MASP2: variants seen among roughly 807,000 people sequenced by gnomAD.
MASP2 encodes mannan-binding lectin serine protease 2.
MASP2 carries 49 observed loss-of-function variants against 57.1 expected under a neutral mutation model. That is an observed-to-expected ratio of 0.86 (90% CI 0.68 to 1.09). The LOEUF is 1.09. MASP2 is among the 50% of genes least tolerant of loss of function. The probability of loss-of-function intolerance (pLI) is 0.00; values close to 1 mark genes in which losing one functional copy is unlikely to be tolerated. For missense variants in MASP2, 900 were observed against 874.8 expected, an observed-to-expected ratio of 1.03 and a Z score of -0.36; for synonymous variants, 379 against 340.8, an observed-to-expected ratio of 1.11 and a Z score of -1.24.
At position 11,046,479 on chromosome 1, in the gene MASP2, G is replaced by A. The variant is rs776197776; in HGVS notation, c.412+77C>T. The stretch of plus-strand genomic sequence containing the variant: ...GAAAGGTGGGGAAACTGAAGGCAGG[G>A]CTGCCTGGCCTAAGACAGAGTTACC... On this transcript the variant is annotated intron_variant, in intron 3 of 10. Transcript: ENST00000400897. 409 of 1,534,316 alleles carry A rather than the reference G, an allele frequency of 2.7e-4. 2 individuals carry two copies. Among genetic ancestry groups the A allele is most frequent in the Middle Eastern group, 1.7e-4 (1 of 5,952 alleles).
At chr1:11,045,257 G>A (rs756874892) in intron 4 of MASP2, 151 bp downstream of exon 4, 36 of 1,147,036 alleles carry the variant, frequency 3.1e-5, no homozygotes, top group East Asian at 1.7e-4. Context: ...GGGAAGCAGG[G>A]CTGAGAAGGG....
chr1:11,039,625 G>A (rs1312098470), intron 6 of MASP2, among the ~76,000 whole-genome samples: 2 of 150,806 alleles, frequency 1.3e-5, no homozygotes, highest in East Asian at 2.0e-4. Flanking sequence ...ATGGATATAT[G>A]GGTGGATATA....
chr1:11,042,909 G>T lies in MASP2; in HGVS notation c.855C>A (p.Asp285Glu). ...TGTAGTGGATCTTCCAGCCTGTGTG[G>T]TCTCCTGATTCATCTGTGACAAAGG... ...TITFVTDESG[D>E]HTGWKIHYTS... Residue 285 changes from aspartate to glutamate, a missense_variant, in exon 6 of 11, where the codon GAC becomes GAA. Transcript: ENST00000400897. The T allele has an allele frequency of 6.2e-7, 1 of 1,613,968 alleles. No homozygotes were observed. The highest frequency in any genetic ancestry group is 1.7e-4 in the Middle Eastern group (1 of 6,060).
At chr1:11,029,430 A>G (rs1260520607) in intron 10 of MASP2, among the ~76,000 whole-genome samples, 1 of 151,336 alleles carries the variant, frequency 6.6e-6, no homozygotes, top group East Asian at 2.0e-4. Flanking sequence ...CTACTCAACT[A>G]TTATCTTTGG....
chr1:11,044,785 A>C, intron 4 of MASP2: 9 of 1,390,034 alleles, frequency 6.5e-6, no homozygotes, highest in African/African-American at 2.9e-5. Context: ...CCCCAGAGAC[A>C]CGTGGCAGCA....
At chr1:11,034,957 A>T in intron 7 of MASP2, 51 bp from the exon 8 acceptor site, 1 of 1,325,086 alleles carries the variant, frequency 7.5e-7, no homozygotes, top group Non-Finnish European at 1.1e-6. Context: ...TCATAAAATC[A>T]CTCCCCAAAG....
chr1:11,047,070 C>T lies in MASP2; in HGVS notation c.55G>A (p.Gly19Ser), dbSNP rs1239588606. 3 of 1,549,032 alleles carry T rather than the reference C, an allele frequency of 1.9e-6. No individual in the cohort carries two copies. The highest frequency in any genetic ancestry group is 1.7e-4 in the Middle Eastern group (1 of 5,884). ...AACACAGGTTCAGGCCACTTCGGGCCCAAGGGGGTGGCCACCGAGCCACAC... is the reference window on the plus strand; with the variant it reads ...AACACAGGTTCAGGCCACTTCGGGCTCAAGGGGGTGGCCACCGAGCCACAC... ...LLCGSVATPLGPKWPEPVFGR... is the reference protein window; with the variant it reads ...LLCGSVATPLSPKWPEPVFGR... The change falls in exon 2 of 11, where the codon GGC (glycine) becomes AGC (serine). Residue 19 changes from glycine (G) to serine (S), a missense_variant. Coordinates refer to ENST00000400897, the MANE Select transcript of MASP2 (RefSeq NM_006610.4).
At chr1:11,043,180 A>T in intron 5 of MASP2, 158 bp from the exon 6 acceptor site, 1 of 978,690 alleles carries the variant, frequency 1.0e-6, no homozygotes. Flanking sequence ...CCACACTTGT[A>T]CTCGAAGGCC....
chr1:11,046,438 C>G (rs1232394767), intron 3 of MASP2, 118 bp downstream of exon 3: 1 of 1,185,972 alleles, frequency 8.4e-7, no homozygotes, highest in Non-Finnish European at 1.2e-6. Flanking sequence ...GGCCAGAGGC[C>G]TCTCCCCTGC....
At chr1:11,030,138 C>T (rs756585502) in intron 10 of MASP2, 38 bp downstream of exon 10, 14 of 1,478,670 alleles carry the variant, frequency 9.5e-6, no homozygotes, top group South Asian at 4.6e-5. Flanking sequence ...TCCTCCTTTC[C>T]ATCAATTACC....
At position 11,035,831 on chromosome 1, in the gene MASP2, G is replaced by A. The variant is rs751939521; in HGVS notation, c.1009-925C>T. Among the ~76,000 whole-genome samples, 6 of 147,446 alleles carry A rather than the reference G, an allele frequency of 4.1e-5. No individual in the cohort carries two copies. In the South Asian group the frequency reaches 6.5e-4, roughly 16 times the overall value. The stretch of plus-strand genomic sequence containing the variant: ...GGATTGCTTGAGCCTGAGAGGTCAA[G>A]GCTGTGGTGAGCTGTGATCGTGCCA... On this transcript the variant is annotated intron_variant, in intron 7 of 10. Coordinates refer to ENST00000400897, the MANE Select transcript of MASP2 (RefSeq NM_006610.4).
Position 11,046,616 on chromosome 1 carries a change from G to A in MASP2, c.352C>T (p.Arg118Cys), listed in dbSNP as rs147270785. Residue 118 changes from arginine (R) to cysteine (C), a missense_variant, in exon 3 of 11, where the codon CGC (arginine) becomes TGC (cysteine). Coordinates refer to ENST00000400897, the MANE Select transcript of MASP2 (RefSeq NM_006610.4). Reference protein sequence around the residue: ...SLGSSLDITFRSDYSNEKPFT... With the variant: ...SLGSSLDITFCSDYSNEKPFT... ...GGCTTCTCGTTGGAGTAGTCGGAGCGGAAGGTAATGTCCAGGCTGGAGCCC... is the reference window on the plus strand; with the variant it reads ...GGCTTCTCGTTGGAGTAGTCGGAGCAGAAGGTAATGTCCAGGCTGGAGCCC... 6.0e-4 allele frequency: 967 copies of A among 1,613,776 alleles called. 6 individuals are homozygous for A. The Middle Eastern group carries it at 0.013, about 22-fold the overall frequency.
At chr1:11,034,948 C>T in intron 7 of MASP2, 42 bp from the exon 8 acceptor site, 1 of 1,364,406 alleles carries the variant, frequency 7.3e-7, no homozygotes, top group East Asian at 2.4e-5. Flanking sequence ...TTGTTTATAT[C>T]ATAAAATCAC....
chr1:11,044,246 G>T (rs1638554916), intron 4 of MASP2, among the ~76,000 whole-genome samples: 1 of 152,152 alleles, frequency 6.6e-6, no homozygotes, highest in African/African-American at 2.4e-5. Context: ...TGAGTCTGGT[G>T]CTCTCCTTCC....
intron 3 of MASP2, chr1:11,045,800 A>T: frequency 1.9e-6 from 1 of 536,778 alleles, no homozygotes; most frequent in Non-Finnish European, 3.3e-6. Context: ...TCACCCAGCT[A>T]ATGAGGGGAG....
chr1:11,030,925 A>G (rs775923716), intron 8 of MASP2, 43 bp from the exon 9 acceptor site: 3 of 1,594,144 alleles, frequency 1.9e-6, no homozygotes, highest in Admixed American at 1.7e-5. Flanking sequence ...TGATCATTTC[A>G]GTGCTAACTT....
intron 6 of MASP2, among the ~76,000 whole-genome samples, chr1:11,040,063 A>G (rs1456056408): frequency 2.7e-5 from 4 of 149,482 alleles, no homozygotes; most frequent in African/African-American, 4.9e-5. Context: ...ATGGATACAT[A>G]GAAGGATGTG....
chr1:11,027,057 C>T lies in MASP2; in HGVS notation c.1889G>A (p.Arg630Lys), dbSNP rs1345262974. 5.0e-6 allele frequency: 8 copies of T among 1,593,508 alleles called. No homozygotes were observed. The highest frequency in any genetic ancestry group is 6.8e-6 in the Non-Finnish European group (8 of 1,170,004). ...GLESGGKDSC[R>K]GDSGGALVFL... ...CACCAGTGCCCCTCCGCTGTCACCT[C>T]TGCAGCTGTCCTTGCCCCCACTTTC... Residue 630 changes from arginine to lysine, a missense_variant, in exon 11 of 11, where the codon AGA (arginine) becomes AAA (lysine). Coordinates refer to ENST00000400897, the MANE Select transcript of MASP2 (RefSeq NM_006610.4).
Position 11,026,831 on chromosome 1 carries a change from A to C in MASP2, c.*54T>G. On this transcript the variant is annotated 3_prime_UTR_variant, in exon 11 of 11. Coordinates refer to ENST00000400897, the MANE Select transcript of MASP2 (RefSeq NM_006610.4). Reference sequence around the variant, plus strand: ...TGCTTCTCGAGCCACGTCGCTGCCAAGGTCTTCACAGGCATTTCTAAAAAT... The same window carrying C: ...TGCTTCTCGAGCCACGTCGCTGCCACGGTCTTCACAGGCATTTCTAAAAAT... 2.1e-6 allele frequency: 3 copies of C among 1,419,130 alleles called. No homozygotes were observed. The highest frequency in any genetic ancestry group is 1.9e-6 in the Non-Finnish European group (2 of 1,073,940). The allele number at this position is 1,419,130 out of a possible 1,614,324, so 87.9% of individuals were successfully genotyped here.
Sources: allele counts gnomAD v4.1 joint callset (sites outside exome capture counted in the v4.1 genomes callset), GRCh38; gene constraint gnomAD v4.1.1; transcripts MANE v1.5; gene names NCBI Gene and HGNC (gene_info 2026-07-23, HGNC 2026-07-21).